CHIC1: variants seen among roughly 807,000 people sequenced by gnomAD.
CHIC1 encodes cysteine rich hydrophobic domain 1.
In CHIC1, 7 loss-of-function variants were observed where a neutral mutation model predicts 18.5. The ratio of observed to expected loss-of-function variants is 0.38; its 90% CI spans 0.22 to 0.71. The LOEUF is 0.71. Among genes scored for constraint, CHIC1 ranks in the 30% least tolerant of loss-of-function variants. The pLI is 0.49. For missense variants in CHIC1, 159 were observed against 176.9 expected (o/e 0.90, Z 0.57); for synonymous variants, 77 against 73.5 (o/e 1.05, Z -0.25).
At chrX:73,609,861 A>G (rs1255906467) in intron 3 of CHIC1, among the ~76,000 whole-genome samples, 3 of 109,112 alleles carry the variant, frequency 2.7e-5, no homozygotes, top group Non-Finnish European at 5.6e-5. Flanking sequence ...GTAATTAACT[A>G]TAGTCACCTT....
chrX:73,616,880 T>G (rs1396831481), intron 3 of CHIC1, among the ~76,000 whole-genome samples: 1 of 111,934 alleles, frequency 8.9e-6, no homozygotes, highest in Non-Finnish European at 1.9e-5. Flanking sequence ...TCCACAAAGG[T>G]CTCTGACATG....
At chrX:73,614,140 T>C (rs769698016) in intron 3 of CHIC1, among the ~76,000 whole-genome samples, 1 of 111,885 alleles carries the variant, frequency 8.9e-6, no homozygotes, top group South Asian at 3.7e-4. Context: ...TTTCTGGGTA[T>C]AGTATCCTTG....
chrX:73,599,547 A>T (rs1296608933), intron 3 of CHIC1, among the ~76,000 whole-genome samples: 1 of 105,126 alleles, frequency 9.5e-6, no homozygotes, highest in Non-Finnish European at 1.9e-5. Context: ...AGCTTTCTAC[A>T]TCTGGCTAGC....
rs765600562 is a variant in CHIC1, at chrX:73,600,949, A to G, written c.507+16377A>G. Among the ~76,000 whole-genome samples the G allele has an allele frequency of 7.0e-3, 755 of 108,121 alleles. 76 individuals carry two copies. Among genetic ancestry groups the G allele is most frequent in the African/African-American group, 0.026 (709 of 27,770 alleles). The allele number at this position is 108,121 out of a possible 115,157, so 93.9% of individuals were successfully genotyped here. ...AACAGACTTTAAACCAACAAAGATC[A>G]AAAGAGACAAAGAAGGCCATTACAT... On this transcript the variant is annotated intron_variant, in intron 3 of 5. Coordinates refer to ENST00000373502, the MANE Select transcript of CHIC1 (RefSeq NM_001039840.4).
intron 3 of CHIC1, among the ~76,000 whole-genome samples, chrX:73,600,137 C>T (rs1258519709): frequency 1.0e-5 from 1 of 100,376 alleles, no homozygotes; most frequent in Admixed American, 1.1e-4. Flanking sequence ...CTCTGTTTGT[C>T]TGTTTTTGGT....
At chrX:73,571,043 T>C (rs977846649) in intron 1 of CHIC1, among the ~76,000 whole-genome samples, 2 of 111,174 alleles carry the variant, frequency 1.8e-5, no homozygotes, top group Non-Finnish European at 3.8e-5. Context: ...AGAAAGGAGA[T>C]ATTAGGGAAA....
chrX:73,653,142 A>G (rs1255362135), intron 3 of CHIC1, among the ~76,000 whole-genome samples: 2 of 110,515 alleles, frequency 1.8e-5, no homozygotes, highest in African/African-American at 6.6e-5. Context: ...CAAGCACCTC[A>G]TGCTCTCACT....
At chrX:73,593,708 A>G (rs1279873522) in intron 3 of CHIC1, among the ~76,000 whole-genome samples, 1 of 111,668 alleles carries the variant, frequency 9.0e-6, no homozygotes, top group African/African-American at 3.3e-5. Flanking sequence ...AATCTTTTTA[A>G]TGCTTCTAAT....
In CHIC1 at chrX:73,681,309, T is replaced by A. The variant is rs2058098581; in HGVS notation, c.*304T>A. 1 of 191,120 alleles carries A rather than the reference T, an allele frequency of 5.2e-6. No homozygotes were observed. Among genetic ancestry groups the A allele is most frequent in the Non-Finnish European group, 9.4e-6 (1 of 105,954 alleles). The allele number at this position is 191,120 out of a possible 1,213,427, so 15.8% of individuals were successfully genotyped here. A position where few individuals can be genotyped will look rare whatever the true frequency, so the allele number is the denominator to read the frequency against. On this transcript the variant is annotated 3_prime_UTR_variant, in exon 6 of 6. Transcript: ENST00000373502. ...TGGTGTTTAAAAAACAAAAACTTGTTCTGAGCATGCTGCCTTATAATTTTC... is the reference window on the plus strand; with the variant it reads ...TGGTGTTTAAAAAACAAAAACTTGTACTGAGCATGCTGCCTTATAATTTTC...
rs1422810667 is a variant in CHIC1 at position 73,563,563 on chromosome X, T to C, written c.279T>C (p.Gly93=). The change falls in exon 1 of 6, where the codon GGT becomes GGC. Residue 93 remains glycine, a synonymous_variant. Coordinates refer to ENST00000373502, the MANE Select transcript of CHIC1 (RefSeq NM_001039840.4). ...CTCCCGACCCTGTATTAGTGCGGGG[T>C]GCCGGCCACATCACTGTGTAAGCGA... ...RYAPDPVLVR[G]AGHITVFGLS... 1 of 1,103,910 alleles carries C rather than the reference T, an allele frequency of 9.1e-7. No homozygotes were observed. Among genetic ancestry groups the C allele is most frequent in the Non-Finnish European group, 1.2e-6 (1 of 842,102 alleles). The allele number at this position is 1,103,910 out of a possible 1,213,427, so 91.0% of individuals were successfully genotyped here.
intron 3 of CHIC1, among the ~76,000 whole-genome samples, chrX:73,602,707 G>A (rs988147855): frequency 9.2e-6 from 1 of 108,446 alleles, no homozygotes; most frequent in Non-Finnish European, 1.9e-5. Flanking sequence ...TGTAAGGAAG[G>A]GGTTCAGTTT....
chrX:73,571,792 A>T (rs977981879), intron 1 of CHIC1, among the ~76,000 whole-genome samples: 4 of 111,437 alleles, frequency 3.6e-5, no homozygotes, highest in Non-Finnish European at 5.7e-5. Flanking sequence ...TTTAAAATAC[A>T]TTTTAAACAT....
chrX:73,594,837 T>G (rs759890532), intron 3 of CHIC1, among the ~76,000 whole-genome samples: 1 of 112,311 alleles, frequency 8.9e-6, no homozygotes, highest in Non-Finnish European at 1.9e-5. Flanking sequence ...ATACCTCATG[T>G]AAGTGAAATA....
At position 73,684,098 on chromosome X, in the gene CHIC1, T is replaced by A. The variant is rs2058111087; in HGVS notation, c.*3093T>A. On this transcript the variant is annotated 3_prime_UTR_variant, in exon 6 of 6. Transcript: ENST00000373502. ...TAGGTCTAAGAATACTTTACTAGTG[T>A]ATTATCTTTTATTTATTATGTAAAG... is the stretch of plus-strand genomic sequence containing the variant. 8.9e-6 allele frequency: 1 copy of A among 111,921 alleles called. No individual in the cohort carries two copies. Among genetic ancestry groups the A allele is most frequent in the South Asian group, 3.7e-4 (1 of 2,685 alleles). 9.2% of individuals were successfully genotyped at this position (111,921 alleles called of 1,213,427 possible).
rs140568267 is a variant in CHIC1, at chrX:73,623,920, A to G, written c.507+39348A>G. 6.4e-3 allele frequency among the ~76,000 whole-genome samples: 720 copies of G among 111,651 alleles called. 8 individuals carry two copies. Among genetic ancestry groups the G allele is most frequent in the African/African-American group, 0.022 (675 of 30,791 alleles). On this transcript the variant is annotated intron_variant, in intron 3 of 5. Transcript: ENST00000373502. ...ACACAACACGTATAAATACACAGAT[A>G]AAAGAAGATCCAGTAGTTGTAAGGG... is the stretch of plus-strand genomic sequence containing the variant.
At chrX:73,632,934 A>G (rs2057814732) in intron 3 of CHIC1, among the ~76,000 whole-genome samples, 1 of 107,078 alleles carries the variant, frequency 9.3e-6, no homozygotes, top group Admixed American at 1.0e-4. Flanking sequence ...ACGCCCAGCT[A>G]ATTTTTTGTA....
At position 73,685,909 on chromosome X, in the gene CHIC1, A is replaced by G. The variant is rs886258517; in HGVS notation, c.*4904A>G. 2 of 111,238 alleles carry G rather than the reference A, an allele frequency of 1.8e-5. No individual in the cohort carries two copies. The highest frequency in any genetic ancestry group is 9.6e-5 in the Admixed American group (1 of 10,371). The allele number at this position is 111,238 out of a possible 1,213,427, so 9.2% of individuals were successfully genotyped here. On this transcript the variant is annotated 3_prime_UTR_variant, in exon 6 of 6. Transcript: ENST00000373502. ...AGGGAGGAAAAGCAGGTGGATGTAA[A>G]TCAGTGATTCCCAACTTCAGCAGAT...
At chrX:73,632,839 G>A (rs2057814099) in intron 3 of CHIC1, among the ~76,000 whole-genome samples, 1 of 94,855 alleles carries the variant, frequency 1.1e-5, no homozygotes, top group Admixed American at 1.3e-4. Context: ...CACAATCTCA[G>A]CTGACTGCAA....
chrX:73,591,215 A>G (rs368187987), intron 3 of CHIC1, among the ~76,000 whole-genome samples: 2 of 110,287 alleles, frequency 1.8e-5, no homozygotes, highest in Non-Finnish European at 1.9e-5. Context: ...TTACAAGCTT[A>G]TTTTCCTTCT....
Sources: gnomAD v4.1 joint callset for allele counts (sites outside exome capture counted in the v4.1 genomes callset) on GRCh38, gnomAD v4.1.1 for gene constraint, MANE v1.5 for transcripts, NCBI Gene and HGNC (gene_info 2026-07-23, HGNC 2026-07-21) for gene names.